SLC25A21: variants seen among roughly 807,000 people sequenced by gnomAD.
SLC25A21 encodes mitochondrial 2-oxodicarboxylate carrier.
Under a neutral mutation model 43.8 loss-of-function variants are expected in SLC25A21, and 47 were observed. That is an observed-to-expected ratio of 1.07 (90% CI 0.85 to 1.37). The LOEUF is 1.37. Ranked by LOEUF, SLC25A21 falls within the 40% of genes most tolerant of loss-of-function variation. The pLI is 0.00. For synonymous variants in SLC25A21, 131 were observed against 121.3 expected (o/e 1.08, Z -0.52); for missense variants, 352 against 350.2 (o/e 1.00, Z -0.04).
chr14:37,117,260 C>T (rs1963122989), intron 1 of SLC25A21, among the ~76,000 whole-genome samples: 1 of 151,976 alleles, frequency 6.6e-6, no homozygotes, highest in Non-Finnish European at 1.5e-5. Flanking sequence ...TTTTTCAGGG[C>T]ATCAGCACTA....
In SLC25A21 at chr14:36,949,300, G is replaced by A. The variant is rs559493850; in HGVS notation, c.71-74296C>T. 2.0e-5 allele frequency among the ~76,000 whole-genome samples: 3 copies of A among 152,174 alleles called. No homozygotes were observed. The East Asian group carries it at 5.8e-4, about 29-fold the overall frequency. ...ATGTAATCATCTTCATTCTCCTCTT[G>A]ACCTTGGTGATGGACACACCCCAAG... On this transcript the variant is annotated intron_variant, in intron 1 of 9. Coordinates refer to ENST00000331299, the MANE Select transcript of SLC25A21 (RefSeq NM_030631.4).
At chr14:36,753,759 G>A (rs1444834778) in intron 3 of SLC25A21, among the ~76,000 whole-genome samples, 1 of 152,028 alleles carries the variant, frequency 6.6e-6, no homozygotes, top group Non-Finnish European at 1.5e-5. Context: ...ACTAGAAAGG[G>A]CCCGTCACAG....
chr14:36,822,080 G>A (rs1466438372), intron 2 of SLC25A21, among the ~76,000 whole-genome samples: 3 of 152,166 alleles, frequency 2.0e-5, no homozygotes, highest in South Asian at 4.1e-4. Flanking sequence ...ACAAACCAAG[G>A]TAGGGGACAG....
intron 1 of SLC25A21, among the ~76,000 whole-genome samples, chr14:36,995,420 C>T (rs560832818): frequency 2.6e-5 from 4 of 151,908 alleles, no homozygotes; most frequent in Non-Finnish European, 5.9e-5. Flanking sequence ...GAGAACATGA[C>T]AAAAAAAGTA....
At chr14:36,895,194 A>G (rs1594675293) in intron 1 of SLC25A21, among the ~76,000 whole-genome samples, 1 of 152,214 alleles carries the variant, frequency 6.6e-6, no homozygotes, top group East Asian at 1.9e-4. Context: ...TTGGTAAGCT[A>G]TTAATTATTG....
At chr14:36,812,527 A>G (rs547970403) in intron 3 of SLC25A21, among the ~76,000 whole-genome samples, 2 of 151,020 alleles carry the variant, frequency 1.3e-5, no homozygotes, top group African/African-American at 2.4e-5. Context: ...CAAATGTGCA[A>G]AGATAGTATG....
At chr14:36,713,105 C>A (rs1270400621) in intron 6 of SLC25A21, among the ~76,000 whole-genome samples, 1 of 152,172 alleles carries the variant, frequency 6.6e-6, no homozygotes, top group African/African-American at 2.4e-5. Flanking sequence ...CCAACCTAAA[C>A]CTTTTCTCCA....
chr14:36,853,841 GCATCC>G (rs1889817770), intron 2 of SLC25A21, among the ~76,000 whole-genome samples: 1 of 152,156 alleles, frequency 6.6e-6, no homozygotes, highest in Non-Finnish European at 1.5e-5. Context: ...GCTGCATTAT[GCATCC>G]AGTGCTTTTG....
intron 1 of SLC25A21, among the ~76,000 whole-genome samples, chr14:37,131,752 G>C (rs796719348): frequency 1.3e-5 from 2 of 152,072 alleles, no homozygotes; most frequent in African/African-American, 4.8e-5. Flanking sequence ...ACAGCTTACC[G>C]CAGTCTCCAT....
At chr14:36,920,127 GTTAA>G (rs1327274142) in intron 1 of SLC25A21, among the ~76,000 whole-genome samples, 8 of 152,034 alleles carry the variant, frequency 5.3e-5, no homozygotes, top group African/African-American at 9.7e-5. Context: ...CAGATGCTGT[GTTAA>G]TTAAGATTCT....
chr14:36,822,959 G>T (rs1888688441), intron 2 of SLC25A21, among the ~76,000 whole-genome samples: 1 of 152,124 alleles, frequency 6.6e-6, no homozygotes, highest in Non-Finnish European at 1.5e-5. Flanking sequence ...TCATGAATAT[G>T]GTGAAATAGA....
intron 1 of SLC25A21, among the ~76,000 whole-genome samples, chr14:36,911,062 T>A (rs903666175): frequency 3.3e-5 from 5 of 152,200 alleles, no homozygotes; most frequent in Non-Finnish European, 7.3e-5. Flanking sequence ...AGTTCAGCAG[T>A]GGCCATGAAG....
At chr14:36,930,474 C>T (rs908972277) in intron 1 of SLC25A21, among the ~76,000 whole-genome samples, 1 of 152,102 alleles carries the variant, frequency 6.6e-6, no homozygotes, top group African/African-American at 2.4e-5. Flanking sequence ...CAGTCTACCC[C>T]TTAACCTCTC....
chr14:37,128,536 CTCTGTGTGTGTGTG>C (rs1446874738), intron 1 of SLC25A21, among the ~76,000 whole-genome samples: 1 of 86,992 alleles, frequency 1.1e-5, no homozygotes, highest in African/African-American at 4.7e-5. Context: ...CTCTCTCTCT[CTCTGTGTGTGTGTG>C]TGTGTGTGTG....
intron 2 of SLC25A21, among the ~76,000 whole-genome samples, chr14:36,853,784 CTATT>C (rs1889815831): frequency 6.6e-6 from 1 of 152,194 alleles, no homozygotes; most frequent in African/African-American, 2.4e-5. Flanking sequence ...AGCCAACACC[CTATT>C]TATTTAGAGG....
intron 3 of SLC25A21, among the ~76,000 whole-genome samples, chr14:36,781,214 A>C (rs1594582388): frequency 6.6e-6 from 1 of 152,246 alleles, no homozygotes; most frequent in South Asian, 2.1e-4. Context: ...TTGTGTCCTT[A>C]AAGCTAAAGT....
At chr14:36,857,798 C>T (rs901272210) in intron 2 of SLC25A21, among the ~76,000 whole-genome samples, 1 of 152,224 alleles carries the variant, frequency 6.6e-6, no homozygotes, top group Non-Finnish European at 1.5e-5. Context: ...GCTGAGGCCG[C>T]AGGCCTGAAG....
chr14:37,169,604 C>CACAG (rs1555351343), intron 1 of SLC25A21, among the ~76,000 whole-genome samples: 1 of 151,250 alleles, frequency 6.6e-6, no homozygotes, highest in Non-Finnish European at 1.5e-5. Context: ...CACACACACA[C>CACAG]ACAGAAGTGT....
intron 1 of SLC25A21, among the ~76,000 whole-genome samples, chr14:36,994,141 T>C (rs80252041): frequency 0.02 from 2,987 of 152,246 alleles, 96 homozygotes; most frequent in African/African-American, 0.068. Flanking sequence ...GATTAGTAAA[T>C]TAAGCCTAAC....
Sources: gnomAD v4.1 joint callset for allele counts (sites outside exome capture counted in the v4.1 genomes callset) on GRCh38, gnomAD v4.1.1 for gene constraint, MANE v1.5 for transcripts, NCBI Gene and HGNC (gene_info 2026-07-23, HGNC 2026-07-21) for gene names.